The following RAD51B variants were observed in gnomAD, a reference collection of about 807,000 sequenced individuals.
RAD51B encodes the protein RAD51 paralog B.
Under a neutral mutation model 42.2 loss-of-function variants are expected in RAD51B, and 38 were observed. The observed-to-expected ratio is 0.90, with a 90% CI of 0.70 to 1.18. The LOEUF is 1.18. Ranked by LOEUF, RAD51B falls within the 50% of genes most tolerant of loss-of-function variation. The pLI is 0.00. For missense variants in RAD51B, 373 were observed against 400.7 expected (o/e 0.93, Z 0.59); for synonymous variants, 154 against 145.2 (o/e 1.06, Z -0.43).
chr14:68,647,456 G>A (rs1209909166), intron 10 of RAD51B, among the ~76,000 whole-genome samples: 2 of 152,090 alleles, frequency 1.3e-5, no homozygotes, highest in African/African-American at 4.8e-5. Flanking sequence ...ATTTTTCTAA[G>A]AGGTTTTTTT....
At chr14:68,096,976 A>T (rs1232721541) in intron 7 of RAD51B, among the ~76,000 whole-genome samples, 6 of 152,248 alleles carry the variant, frequency 3.9e-5, no homozygotes, top group African/African-American at 1.4e-4. Flanking sequence ...ATGTGTAAGG[A>T]CAATTAAGCT....
intron 7 of RAD51B, among the ~76,000 whole-genome samples, chr14:68,091,168 G>C (rs1167563355): frequency 6.6e-6 from 1 of 152,084 alleles, no homozygotes; most frequent in Non-Finnish European, 1.5e-5. Context: ...ACATACGTTT[G>C]CATGTGTCTT....
At chr14:68,453,294 A>G (rs929788777) in intron 9 of RAD51B, among the ~76,000 whole-genome samples, 1 of 152,240 alleles carries the variant, frequency 6.6e-6, no homozygotes, top group Non-Finnish European at 1.5e-5. Flanking sequence ...TTTTTGAGAT[A>G]TCAACAGGCT....
chr14:68,408,893 G>C (rs1017082076), intron 8 of RAD51B, among the ~76,000 whole-genome samples: 1 of 151,950 alleles, frequency 6.6e-6, no homozygotes, highest in Non-Finnish European at 1.5e-5. Flanking sequence ...ATGAATTCTC[G>C]AACTCACCAC....
chr14:68,047,270 T>A (rs192015591), intron 7 of RAD51B, among the ~76,000 whole-genome samples: 7 of 152,226 alleles, frequency 4.6e-5, no homozygotes, highest in Non-Finnish European at 7.4e-5. Flanking sequence ...AGAAGAAAAG[T>A]GGTCTTGTTA....
downstream of RAD51B, among the ~76,000 whole-genome samples, chr14:68,480,693 T>C (rs1883109445): frequency 6.6e-6 from 1 of 152,172 alleles, no homozygotes; most frequent in East Asian, 1.9e-4. Flanking sequence ...ATTGTGACTC[T>C]CTGACTAAAT....
chr14:68,124,310 C>T (rs766632975), intron 7 of RAD51B, among the ~76,000 whole-genome samples: 6 of 151,880 alleles, frequency 4.0e-5, no homozygotes, highest in South Asian at 2.1e-4. Context: ...TACTGTAAGC[C>T]TTTGCATTCC....
Position 68,149,117 on chromosome 14 carries a change from T to C in RAD51B, c.757-142767T>C, listed in dbSNP as rs2078318713. On this transcript the variant is annotated intron_variant, in intron 7 of 10. Coordinates refer to ENST00000471583, the MANE Select transcript of RAD51B (RefSeq NM_133510.4). ...CTGTGGATGCAAGTCCTTTATCAGATAGGTGTTTTGTAAAAATTTTCTCCC... is the reference window on the plus strand; with the variant it reads ...CTGTGGATGCAAGTCCTTTATCAGACAGGTGTTTTGTAAAAATTTTCTCCC... Among the ~76,000 whole-genome samples the C allele has an allele frequency of 2.0e-5, 3 of 152,178 alleles. No homozygotes were observed. In the South Asian group the frequency reaches 6.2e-4, roughly 32 times the overall value.
chr14:68,339,266 G>C (rs943713421), intron 8 of RAD51B: 1 of 995,834 alleles, frequency 1.0e-6, no homozygotes, highest in East Asian at 2.4e-5. Context: ...CTGTTTGGTG[G>C]TCCAGGGCCT....
At chr14:68,595,002 C>T in exon 11 of RAD51B, 1 of 1,077,284 alleles carries the variant, frequency 9.3e-7, no homozygotes, top group Non-Finnish European at 1.1e-6. Flanking sequence ...GAGGCTGAGA[C>T]AAACTAGGAT....
Position 68,677,340 on chromosome 14 carries a change from G to C in RAD51B, c.*11+26484G>C, listed in dbSNP as rs566046286. On this transcript the variant is annotated intron_variant, in intron 11 of 11. Transcript: ENST00000488612. ...CTTGGAGGCGGGAGAGATTCCTTGC[G>C]CACCCTGCTATTGCACTGCTGCTCC... 2.0e-5 allele frequency among the ~76,000 whole-genome samples: 3 copies of C among 152,246 alleles called. No individual in the cohort carries two copies. In the South Asian group the frequency reaches 6.2e-4, roughly 32 times the overall value.
At chr14:68,504,171 C>A (rs987410005) in intron 10 of RAD51B, among the ~76,000 whole-genome samples, 1 of 152,174 alleles carries the variant, frequency 6.6e-6, no homozygotes, top group Middle Eastern at 3.4e-3. Context: ...AGAGCTGGAT[C>A]GGGGCGCAAT....
intron 10 of RAD51B, among the ~76,000 whole-genome samples, chr14:68,624,051 G>A (rs948636651): frequency 2.6e-5 from 4 of 152,106 alleles, no homozygotes; most frequent in East Asian, 1.9e-4. Flanking sequence ...AGGGGAAGTC[G>A]GCATTTTCTC....
chr14:68,665,216 C>T (rs1171385556), intron 11 of RAD51B, among the ~76,000 whole-genome samples: 7 of 152,244 alleles, frequency 4.6e-5, no homozygotes, highest in East Asian at 3.8e-4. Flanking sequence ...TGCCTGGCCC[C>T]GGAGGGCAAT....
intron 10 of RAD51B, among the ~76,000 whole-genome samples, chr14:68,602,488 T>C (rs1891259208): frequency 6.9e-6 from 1 of 145,486 alleles, no homozygotes; most frequent in Non-Finnish European, 1.5e-5. Context: ...GGTGGATGGA[T>C]GATGGATGGA....
chr14:68,549,281 C>A (rs1888392896), intron 10 of RAD51B, among the ~76,000 whole-genome samples: 4 of 152,064 alleles, frequency 2.6e-5, no homozygotes, highest in African/African-American at 9.7e-5. Flanking sequence ...AAAAGGAGGG[C>A]ACAACTCACA....
At chr14:68,543,838 C>T (rs931985808) in intron 10 of RAD51B, among the ~76,000 whole-genome samples, 1 of 152,194 alleles carries the variant, frequency 6.6e-6, no homozygotes, top group African/African-American at 2.4e-5. Flanking sequence ...AAATGACTTG[C>T]CCTATGAATG....
At chr14:67,921,555 C>T (rs1480696372) in intron 7 of RAD51B, among the ~76,000 whole-genome samples, 2 of 142,620 alleles carry the variant, frequency 1.4e-5, no homozygotes, top group African/African-American at 5.2e-5. Flanking sequence ...TGTGCATGTA[C>T]ATATGTGCAC....
chr14:67,835,687 C>CAA (rs143742757), intron 4 of RAD51B, among the ~76,000 whole-genome samples: 9 of 145,818 alleles, frequency 6.2e-5, no homozygotes, highest in East Asian at 2.0e-4. Context: ...CTGTCTTTAC[C>CAA]AAAAAAAAAA....
Sources: allele counts gnomAD v4.1 joint callset (sites outside exome capture counted in the v4.1 genomes callset), GRCh38; gene constraint gnomAD v4.1.1; transcripts MANE v1.5; gene names NCBI Gene and HGNC (gene_info 2026-07-23, HGNC 2026-07-21).